Variants in ATP13A4 observed in about 807,000 individuals in gnomAD.
ATP13A4 encodes the protein ATPase 13A4, also known as probable cation-transporting ATPase 13A4.
Under a neutral mutation model 142.5 loss-of-function variants are expected in ATP13A4, and 114 were observed. The observed-to-expected ratio is 0.80, with a 90% CI of 0.69 to 0.93. ATP13A4 has a LOEUF of 0.93. Ranked by LOEUF, ATP13A4 falls within the 40% of genes least tolerant of loss-of-function variation. ATP13A4 has a pLI of 0.00. For missense variants in ATP13A4, 1,392 were observed against 1,454.0 expected (o/e 0.96, Z 0.69); for synonymous variants, 488 against 514.8 (o/e 0.95, Z 0.70).
chr3:193,483,121 TC>T (rs896170925), intron 8 of ATP13A4, among the ~76,000 whole-genome samples: 3 of 151,404 alleles, frequency 2.0e-5, no homozygotes, highest in Non-Finnish European at 2.9e-5. Context: ...TGAACTTTGA[TC>T]CCCCCCAAAA....
At chr3:193,561,291 G>A (rs559781864) in intron 2 of ATP13A4, among the ~76,000 whole-genome samples, 15 of 152,368 alleles carry the variant, frequency 9.8e-5, no homozygotes, top group African/African-American at 3.1e-4. Flanking sequence ...CAGGAACTGG[G>A]CTGAGGCCCC....
At chr3:193,534,899 C>CTA (rs372889354) in intron 1 of ATP13A4, among the ~76,000 whole-genome samples, 32 of 151,932 alleles carry the variant, frequency 2.1e-4, no homozygotes, top group African/African-American at 7.7e-4. Flanking sequence ...CAGAACAAAC[C>CTA]TAAAGAAATC....
chr3:193,435,820 T>C, intron 23 of ATP13A4, 76 bp from the exon 24 acceptor site: 2 of 1,312,220 alleles, frequency 1.5e-6, no homozygotes, highest in Non-Finnish European at 2.2e-6. Flanking sequence ...GCTGTTCAGC[T>C]AAGCTCAGGA....
chr3:193,527,351 T>A (rs1309122286), intron 1 of ATP13A4, among the ~76,000 whole-genome samples: 2 of 152,126 alleles, frequency 1.3e-5, no homozygotes, highest in Non-Finnish European at 2.9e-5. Context: ...CAGTGGCTCT[T>A]GCCTGTAATC....
intron 18 of ATP13A4, among the ~76,000 whole-genome samples, chr3:193,446,754 A>G (rs1716979439): frequency 6.6e-6 from 1 of 152,252 alleles, no homozygotes; most frequent in East Asian, 1.9e-4. Context: ...TTAATGAAAT[A>G]AGGGAAACAC....
intron 25 of ATP13A4, among the ~76,000 whole-genome samples, chr3:193,427,771 C>T (rs1256918380): frequency 2.6e-5 from 4 of 152,080 alleles, no homozygotes; most frequent in African/African-American, 4.8e-5. Flanking sequence ...CTTCCTTACA[C>T]CTTATACAAA....
At chr3:193,591,103 G>T (rs1224073527) in intron 1 of ATP13A4, among the ~76,000 whole-genome samples, 1 of 152,136 alleles carries the variant, frequency 6.6e-6, no homozygotes, top group Admixed American at 6.5e-5. Context: ...TCGATCTGTC[G>T]CTCAGGCTGG....
chr3:193,466,113 T>TA lies in ATP13A4; in HGVS notation c.1183dup (p.Tyr395LeufsTer29), dbSNP rs1168546366. The TA allele has an allele frequency of 1.2e-6, 2 of 1,614,044 alleles. No homozygotes were observed. Among genetic ancestry groups the TA allele is most frequent in the Non-Finnish European group, 8.5e-7 (1 of 1,180,024 alleles). On this transcript the variant is annotated frameshift_variant, in exon 11 of 30. Transcript: ENST00000342695. LOFTEE classifies it high-confidence loss of function. ...CAGGAGGAACCTGATGGCATCCCTG[T>TA]ACAACTGAAAATTCACTGGCTTAGG...
chr3:193,558,357 A>G (rs192506612), upstream of ATP13A4, among the ~76,000 whole-genome samples: 29 of 152,340 alleles, frequency 1.9e-4, no homozygotes, highest in East Asian at 1.2e-3. Context: ...CGTAGTAAGA[A>G]TGGCAGATGA....
chr3:193,412,193 G>T lies in ATP13A4; in HGVS notation c.3193C>A (p.Pro1065Thr). 5 of 1,607,554 alleles carry T rather than the reference G, an allele frequency of 3.1e-6. No individual in the cohort carries two copies. Among genetic ancestry groups the T allele is most frequent in the Non-Finnish European group, 4.3e-6 (5 of 1,174,104 alleles). Residue 1065 changes from proline (P) to threonine (T), a missense_variant, in exon 27 of 30, where the codon CCA (proline) becomes ACA (threonine). Coordinates refer to ENST00000342695, the MANE Select transcript of ATP13A4 (RefSeq NM_032279.4). ...VFSKGKPFRQ[P>T]TYTNYIFVLV... ...TTCTACTCACAGTTTGTATAAGTTG[G>T]CTGTCTAAATGGTTTTCCTTTAGAG...
chr3:193,474,735 A>C (rs947732758), intron 8 of ATP13A4, among the ~76,000 whole-genome samples: 91 of 42,754 alleles, frequency 2.1e-3, no homozygotes, highest in African/African-American at 9.4e-3. Context: ...AGAAAGAGAA[A>C]GAAAGAAAGA....
chr3:193,445,841 G>A (rs923350329), intron 18 of ATP13A4, among the ~76,000 whole-genome samples: 1 of 151,900 alleles, frequency 6.6e-6, no homozygotes, highest in Admixed American at 6.6e-5. Context: ...AGAACTGAAC[G>A]ATTCAACTTA....
intron 17 of ATP13A4, 105 bp from the exon 18 acceptor site, chr3:193,448,435 A>G: frequency 7.0e-7 from 1 of 1,423,284 alleles, no homozygotes; most frequent in Non-Finnish European, 9.7e-7. Flanking sequence ...ACAGTGGTTC[A>G]AGTCATTCTC....
At chr3:193,515,535 C>A (rs1394491976) in intron 1 of ATP13A4, among the ~76,000 whole-genome samples, 1 of 152,172 alleles carries the variant, frequency 6.6e-6, no homozygotes, top group African/African-American at 2.4e-5. Context: ...CATTCATCAA[C>A]AAACAATTTT....
chr3:193,484,705 C>A (rs964689583), intron 7 of ATP13A4, among the ~76,000 whole-genome samples: 2 of 152,106 alleles, frequency 1.3e-5, no homozygotes, highest in African/African-American at 4.8e-5. Flanking sequence ...GTAACTCATT[C>A]TTTTACCCAT....
chr3:193,582,243 G>T (rs935513908), intron 1 of ATP13A4, among the ~76,000 whole-genome samples: 7 of 148,814 alleles, frequency 4.7e-5, no homozygotes, highest in African/African-American at 1.7e-4. Context: ...CCCCCTCCAG[G>T]GTTCAAATGA....
intron 8 of ATP13A4, among the ~76,000 whole-genome samples, chr3:193,482,015 G>C (rs182689977): frequency 1.3e-3 from 195 of 152,226 alleles, no homozygotes; most frequent in African/African-American, 4.2e-3. Context: ...TAAAAGAGAA[G>C]AGCAAAACTG....
intron 1 of ATP13A4, among the ~76,000 whole-genome samples, chr3:193,526,494 C>A (rs987386152): frequency 2.0e-5 from 3 of 152,046 alleles, no homozygotes; most frequent in African/African-American, 4.8e-5. Flanking sequence ...AGGACAAATA[C>A]CTAATACGTG....
intron 12 of ATP13A4, 105 bp downstream of exon 12, chr3:193,464,835 G>A: frequency 8.2e-7 from 1 of 1,220,224 alleles, no homozygotes; most frequent in East Asian, 2.3e-5. Context: ...ATGAAGACAG[G>A]CACCCACATT....
Sources: gnomAD v4.1 joint callset for allele counts (sites outside exome capture counted in the v4.1 genomes callset) on GRCh38, gnomAD v4.1.1 for gene constraint, MANE v1.5 for transcripts, NCBI Gene and HGNC (gene_info 2026-07-23, HGNC 2026-07-21) for gene names.